Variants in DAB1 observed in about 807,000 individuals in gnomAD.
The protein encoded by DAB1 is disabled homolog 1.
In DAB1, 15 loss-of-function variants were observed where a neutral mutation model predicts 64.6. The observed-to-expected ratio is 0.23, with a 90% CI of 0.16 to 0.36. The LOEUF (loss-of-function observed/expected upper bound fraction) is 0.36. Among genes scored for constraint, DAB1 ranks in the 10% least tolerant of loss-of-function variants. The pLI, the probability that DAB1 is intolerant of heterozygous loss-of-function variation, is 1.00. For synonymous variants in DAB1, 235 were observed against 251.9 expected (o/e 0.93, Z 0.64); for missense variants, 596 against 706.7 (o/e 0.84, Z 1.78).
chr1:57,392,062 C>T (rs1388030125), intron 1 of DAB1, among the ~76,000 whole-genome samples: 1 of 152,138 alleles, frequency 6.6e-6, no homozygotes, highest in East Asian at 1.9e-4. Flanking sequence ...TCAGCCCAAA[C>T]TTCCCTAGTC....
At chr1:57,535,670 C>T (rs1644718619) in intron 7 of DAB1, among the ~76,000 whole-genome samples, 1 of 151,888 alleles carries the variant, frequency 6.6e-6, no homozygotes, top group Admixed American at 6.6e-5. Flanking sequence ...CTATGTTGGC[C>T]AGGATGGTCT....
intron 6 of DAB1, among the ~76,000 whole-genome samples, chr1:57,697,182 A>C (rs1475746406): frequency 6.6e-6 from 1 of 152,134 alleles, no homozygotes; most frequent in Non-Finnish European, 1.5e-5. Context: ...AGTTCCTGGC[A>C]TATAATAGAT....
intron 4 of DAB1, among the ~76,000 whole-genome samples, chr1:58,297,127 T>C (rs1662013069): frequency 6.6e-6 from 1 of 152,178 alleles, no homozygotes; most frequent in Non-Finnish European, 1.5e-5. Context: ...ATGTTTCCCT[T>C]GAAATGGAAG....
intron 4 of DAB1, among the ~76,000 whole-genome samples, chr1:57,134,168 T>C (rs1361912602): frequency 2.6e-5 from 4 of 152,162 alleles, no homozygotes; most frequent in East Asian, 1.9e-4. Context: ...TGCCGACTGA[T>C]AGAAAAGCCT....
At position 58,178,235 on chromosome 1, in the gene DAB1, C is replaced by T. The variant is rs142520332; in HGVS notation, n.310-27647G>A. 2.6e-3 allele frequency among the ~76,000 whole-genome samples: 391 copies of T among 152,292 alleles called. 3 individuals are homozygous for T. Among genetic ancestry groups the T allele is most frequent in the African/African-American group, 9.1e-3 (379 of 41,554 alleles). On this transcript the variant is annotated intron_variant and non_coding_transcript_variant, in intron 4 of 20. Transcript: ENST00000485760. ...TTTGCCTGTATCTGCTCCTCCCCTC[C>T]GTTCTGAAACCAACCCTCTCCATCT...
chr1:57,071,692 A>C (rs1651483973), intron 5 of DAB1, 51 bp from the exon 6 acceptor site: 2 of 1,566,264 alleles, frequency 1.3e-6, no homozygotes, highest in Admixed American at 4.4e-5. Context: ...ACTGAGACGC[A>C]GCAACAAATT....
chr1:58,043,609 C>G (rs539037264), intron 5 of DAB1, among the ~76,000 whole-genome samples: 46 of 152,332 alleles, frequency 3.0e-4, no homozygotes, highest in African/African-American at 9.9e-4. Context: ...CTCACTTCCT[C>G]TTTGGAGCTC....
intron 1 of DAB1, among the ~76,000 whole-genome samples, chr1:57,296,138 G>A (rs1673176930): frequency 6.6e-6 from 1 of 152,098 alleles, no homozygotes; most frequent in Admixed American, 6.6e-5. Context: ...TGGAGCAAAG[G>A]AGTAAATGCA....
At chr1:58,031,373 G>A (rs1338456395) in intron 5 of DAB1, among the ~76,000 whole-genome samples, 1 of 152,196 alleles carries the variant, frequency 6.6e-6, no homozygotes, top group Non-Finnish European at 1.5e-5. Flanking sequence ...GAGTGGGAAA[G>A]TGATCTGTTC....
chr1:58,450,507 C>T (rs561635179), intron 3 of DAB1, among the ~76,000 whole-genome samples: 2 of 152,292 alleles, frequency 1.3e-5, no homozygotes, highest in African/African-American at 4.8e-5. Flanking sequence ...GTAATCCCAG[C>T]ACTTTGGGAG....
chr1:58,275,672 A>T (rs1457401397), intron 4 of DAB1, among the ~76,000 whole-genome samples: 1 of 152,216 alleles, frequency 6.6e-6, no homozygotes, highest in African/African-American at 2.4e-5. Context: ...AAACAAATTT[A>T]AAAAGAAAGA....
At chr1:58,191,658 T>C (rs1243275853) in intron 4 of DAB1, among the ~76,000 whole-genome samples, 1 of 152,174 alleles carries the variant, frequency 6.6e-6, no homozygotes, top group Non-Finnish European at 1.5e-5. Flanking sequence ...AGTTTCCCCT[T>C]TGAACCACCA....
intron 3 of DAB1, among the ~76,000 whole-genome samples, 190 bp downstream of exon 3, chr1:57,145,100 T>A (rs950249767): frequency 5.9e-5 from 9 of 152,200 alleles, no homozygotes; most frequent in Non-Finnish European, 1.3e-4. Flanking sequence ...TATTTCCACA[T>A]AGTAGGTGCT....
intron 5 of DAB1, among the ~76,000 whole-genome samples, chr1:58,149,751 TC>T (rs1405745678): frequency 1.3e-5 from 2 of 152,194 alleles, no homozygotes; most frequent in Admixed American, 1.3e-4. Flanking sequence ...AGCCTTCTTC[TC>T]TGCTCCCCTA....
intron 6 of DAB1, among the ~76,000 whole-genome samples, chr1:57,695,299 G>GAGA (rs1233856758): frequency 5.1e-4 from 19 of 37,184 alleles, no homozygotes; most frequent in African/African-American, 1.3e-3. Flanking sequence ...GGAGAGAGAA[G>GAGA]GAAAGAAAGA....
intron 2 of DAB1, among the ~76,000 whole-genome samples, chr1:57,251,403 G>A (rs562330906): frequency 2.0e-5 from 3 of 152,300 alleles, no homozygotes; most frequent in Admixed American, 6.5e-5. Flanking sequence ...GATGTACACC[G>A]TTTCATCTTA....
At chr1:58,035,800 A>G (rs753569314) in intron 5 of DAB1, among the ~76,000 whole-genome samples, 1 of 152,144 alleles carries the variant, frequency 6.6e-6, no homozygotes, top group African/African-American at 2.4e-5. Context: ...CCCCCGGCCT[A>G]TGGGGAGACT....
At chr1:58,335,319 TGGA>T (rs1031789011) in intron 4 of DAB1, among the ~76,000 whole-genome samples, 3 of 152,130 alleles carry the variant, frequency 2.0e-5, no homozygotes, top group African/African-American at 7.2e-5. Context: ...TAAATGAGGG[TGGA>T]GGAGTGGCCT....
chr1:57,323,928 G>T (rs527647125), intron 1 of DAB1, among the ~76,000 whole-genome samples: 2 of 152,152 alleles, frequency 1.3e-5, no homozygotes, highest in South Asian at 4.2e-4. Flanking sequence ...AGTATTTGCT[G>T]AAGGTGAGTG....
Sources: allele counts gnomAD v4.1 joint callset (sites outside exome capture counted in the v4.1 genomes callset), GRCh38; gene constraint gnomAD v4.1.1; transcripts MANE v1.5; gene names NCBI Gene and HGNC (gene_info 2026-07-23, HGNC 2026-07-21).